Variants in ESRRG observed in about 807,000 individuals in gnomAD.
ESRRG encodes estrogen related receptor gamma, also known as estrogen-related receptor gamma.
A neutral mutation model predicts 44.0 loss-of-function variants in ESRRG; 13 were observed. The ratio of observed to expected loss-of-function variants is 0.30; its 90% CI spans 0.19 to 0.47. The LOEUF (loss-of-function observed/expected upper bound fraction) is 0.47, where lower values mean the gene tolerates loss of function less well. Ranked by LOEUF, ESRRG falls within the 20% of genes least tolerant of loss-of-function variation. The pLI is 1.00. For missense variants in ESRRG, 395 were observed against 580.6 expected, an observed-to-expected ratio of 0.68 and a Z score of 3.29; for synonymous variants, 215 against 214.6, an observed-to-expected ratio of 1.00 and a Z score of -0.02.
chr1:216,652,069 AAGTGCATT>A (rs1399381529), intron 2 of ESRRG, among the ~76,000 whole-genome samples: 1 of 152,154 alleles, frequency 6.6e-6, no homozygotes, highest in Non-Finnish European at 1.5e-5. Flanking sequence ...CCTTGTGATT[AAGTGCATT>A]AGTATCTTAA....
chr1:216,650,957 T>C lies in ESRRG; in HGVS notation c.589+16A>G, dbSNP rs2068795532. 6.5e-7 allele frequency: 1 copy of C among 1,533,046 alleles called. No homozygotes were observed. Among genetic ancestry groups the C allele is most frequent in the Non-Finnish European group, 9.0e-7 (1 of 1,106,348 alleles). The allele number at this position is 1,533,046 out of a possible 1,614,324, so 95.0% of individuals were successfully genotyped here. On this transcript the variant is annotated intron_variant, in intron 3 of 6. Transcript: ENST00000408911. Reference sequence around the variant, plus strand: ...AGCAAAATCAAAACCTCAGGGGCACTAGCAAAGAGCCTTACCTTCTTTCAG... The same window carrying C: ...AGCAAAATCAAAACCTCAGGGGCACCAGCAAAGAGCCTTACCTTCTTTCAG...
In ESRRG at chr1:217,051,457, C is replaced by G. The variant is rs1276344681; in HGVS notation, c.-106+38050G>C. 3.3e-5 allele frequency among the ~76,000 whole-genome samples: 5 copies of G among 152,248 alleles called. No individual in the cohort carries two copies. In the East Asian group the frequency reaches 9.7e-4, roughly 29 times the overall value. On this transcript the variant is annotated intron_variant, in intron 1 of 7. Coordinates refer to the ESRRG transcript ENST00000359162. ...TCTCCAGGCAAAAACTGAGAGGAAG[C>G]CAACATTATTTTTGCTGTTACTGCA...
intron 1 of ESRRG, among the ~76,000 whole-genome samples, chr1:216,956,455 A>T (rs546593103): frequency 6.6e-6 from 1 of 152,116 alleles, no homozygotes; most frequent in African/African-American, 2.4e-5. Context: ...ACTCTGTTCC[A>T]TCGGTCTATG....
At chr1:216,741,842 A>T (rs2090777412) in intron 2 of ESRRG, among the ~76,000 whole-genome samples, 1 of 152,180 alleles carries the variant, frequency 6.6e-6, no homozygotes, top group South Asian at 2.1e-4. Context: ...ACACTTGTCA[A>T]CTTCTAAGTC....
At chr1:216,614,691 T>C (rs999156900) in intron 3 of ESRRG, among the ~76,000 whole-genome samples, 11 of 152,106 alleles carry the variant, frequency 7.2e-5, no homozygotes, top group African/African-American at 2.7e-4. Context: ...TTGAGAAGAG[T>C]CTTGAAAGAG....
intron 2 of ESRRG, among the ~76,000 whole-genome samples, chr1:216,891,968 G>A (rs1464404624): frequency 2.0e-5 from 3 of 151,706 alleles, no homozygotes; most frequent in Admixed American, 6.6e-5. Flanking sequence ...CAGCATGCCC[G>A]ACTAATTTTT....
Position 216,901,127 on chromosome 1 carries a change from G to A in ESRRG, c.-14+38455C>T, listed in dbSNP as rs2059020279. Among the ~76,000 whole-genome samples the A allele has an allele frequency of 2.0e-5, 3 of 152,124 alleles. No homozygotes were observed. The South Asian group carries it at 6.2e-4, about 32-fold the overall frequency. ...GGAATTGAAAAACTACATGGAGATG[G>A]GCTGGGAGAGCCAAAAACTGCATCT... On this transcript the variant is annotated intron_variant, in intron 2 of 7. Transcript: ENST00000359162.
intron 3 of ESRRG, among the ~76,000 whole-genome samples, chr1:216,585,527 G>A (rs1015924189): frequency 1.3e-5 from 2 of 151,870 alleles, no homozygotes; most frequent in African/African-American, 4.8e-5. Context: ...AAAAAAATGG[G>A]GGAAGAAATC....
chr1:216,923,212 G>A (rs541911365), intron 2 of ESRRG, among the ~76,000 whole-genome samples: 92 of 152,294 alleles, frequency 6.0e-4, no homozygotes, highest in African/African-American at 2.1e-3. Context: ...GTCTCAAAGC[G>A]CTGAGCTACA....
At chr1:216,645,945 T>C (rs977104118) in intron 3 of ESRRG, among the ~76,000 whole-genome samples, 3 of 151,832 alleles carry the variant, frequency 2.0e-5, no homozygotes, top group Non-Finnish European at 4.4e-5. Context: ...CAATTCTCCT[T>C]GCTCATTTTA....
At chr1:216,565,767 TTAAA>T (rs1244235421) in intron 4 of ESRRG, among the ~76,000 whole-genome samples, 2 of 152,210 alleles carry the variant, frequency 1.3e-5, no homozygotes, top group African/African-American at 2.4e-5. Context: ...GAATTAAAAA[TTAAA>T]TAGAGATTAA....
chr1:216,890,385 G>A (rs1294121959), intron 2 of ESRRG, among the ~76,000 whole-genome samples: 3 of 152,194 alleles, frequency 2.0e-5, no homozygotes, highest in East Asian at 3.9e-4. Flanking sequence ...AATGAACTTT[G>A]ATAGATTAAT....
intron 2 of ESRRG, among the ~76,000 whole-genome samples, chr1:216,872,426 T>G (rs888815732): frequency 1.3e-5 from 2 of 152,192 alleles, no homozygotes; most frequent in Non-Finnish European, 2.9e-5. Flanking sequence ...ACTCCTACGA[T>G]GCAAATGTTA....
chr1:216,662,709 G>C (rs10746365), intron 2 of ESRRG, among the ~76,000 whole-genome samples: 131,327 of 152,090 alleles, frequency 0.86, 56,709 homozygotes, highest in Admixed American at 0.89. Flanking sequence ...TTAACTCTAA[G>C]TCTTCCACAG....
intron 2 of ESRRG, among the ~76,000 whole-genome samples, chr1:216,931,865 A>C (rs1486394210): frequency 6.6e-6 from 1 of 151,766 alleles, no homozygotes; most frequent in African/African-American, 2.4e-5. Context: ...AAATAAATAC[A>C]TTTGACTTCT....
intron 2 of ESRRG, among the ~76,000 whole-genome samples, chr1:216,654,147 C>A (rs2069787200): frequency 6.7e-6 from 1 of 149,970 alleles, no homozygotes; most frequent in African/African-American, 2.4e-5. Context: ...AAAAAATCCA[C>A]CAAAAAGTAA....
At chr1:217,124,482 AAAAC>A (rs1252364356) in intron 1 of ESRRG, among the ~76,000 whole-genome samples, 21 of 152,238 alleles carry the variant, frequency 1.4e-4, no homozygotes, top group African/African-American at 5.1e-4. Context: ...ATCCCTAAGA[AAAAC>A]AAACAGTTCT....
chr1:216,716,366 C>G (rs1488480989), intron 1 of ESRRG, among the ~76,000 whole-genome samples: 1 of 151,960 alleles, frequency 6.6e-6, no homozygotes, highest in Non-Finnish European at 1.5e-5. Context: ...TTTATACTAG[C>G]CATCAATCTG....
intron 1 of ESRRG, among the ~76,000 whole-genome samples, chr1:216,721,435 G>C (rs1293351572): frequency 3.3e-5 from 5 of 152,184 alleles, no homozygotes; most frequent in Non-Finnish European, 5.9e-5. Context: ...TCTGTCCAGT[G>C]AACCACGTAA....
Sources: gnomAD v4.1 joint callset for allele counts (sites outside exome capture counted in the v4.1 genomes callset) on GRCh38, gnomAD v4.1.1 for gene constraint, MANE v1.5 for transcripts, NCBI Gene and HGNC (gene_info 2026-07-23, HGNC 2026-07-21) for gene names.